PPM1H: variants seen among roughly 807,000 people sequenced by gnomAD.
The protein encoded by PPM1H is protein phosphatase, Mg2+/Mn2+ dependent 1H.
A neutral mutation model predicts 54.9 loss-of-function variants in PPM1H; 27 were observed. That is an observed-to-expected ratio of 0.49 (90% CI 0.36 to 0.68). The LOEUF is 0.68. Ranked by LOEUF, PPM1H falls within the 30% of genes least tolerant of loss-of-function variation. The pLI is 0.00. For synonymous variants in PPM1H, 305 were observed against 270.8 expected, an observed-to-expected ratio of 1.13 and a Z score of -1.24; for missense variants, 596 against 667.8, an observed-to-expected ratio of 0.89 and a Z score of 1.19.
At chr12:62,739,233 T>C (rs1163659084) in intron 4 of PPM1H, among the ~76,000 whole-genome samples, 1 of 152,082 alleles carries the variant, frequency 6.6e-6, no homozygotes, top group East Asian at 1.9e-4. Context: ...AGGAGCCACT[T>C]GTCAAATGCA....
intron 9 of PPM1H, among the ~76,000 whole-genome samples, chr12:62,652,088 T>C (rs561438829): frequency 2.6e-5 from 4 of 152,326 alleles, no homozygotes; most frequent in African/African-American, 9.6e-5. Flanking sequence ...CATCCCCAGC[T>C]ATCATCCTTA....
At chr12:62,906,602 A>G (rs1429506734) in intron 1 of PPM1H, among the ~76,000 whole-genome samples, 2 of 152,366 alleles carry the variant, frequency 1.3e-5, no homozygotes, top group East Asian at 3.9e-4. Context: ...AAAGTGGGTC[A>G]CCAACATGAT....
chr12:62,874,986 G>C (rs965765530), intron 1 of PPM1H, among the ~76,000 whole-genome samples: 1 of 152,208 alleles, frequency 6.6e-6, no homozygotes, highest in East Asian at 1.9e-4. Context: ...CAACTATTCT[G>C]ATGCCTGTCT....
chr12:62,684,994 G>A (rs1053881180), intron 8 of PPM1H, among the ~76,000 whole-genome samples: 7 of 151,756 alleles, frequency 4.6e-5, no homozygotes, highest in South Asian at 2.1e-4. Flanking sequence ...CTGCTCTTCC[G>A]CTTCCCTTCT....
At chr12:62,901,565 C>T (rs1009660644) in intron 1 of PPM1H, among the ~76,000 whole-genome samples, 3 of 152,118 alleles carry the variant, frequency 2.0e-5, no homozygotes, top group Admixed American at 1.3e-4. Flanking sequence ...ATAGAAATTG[C>T]CTCTACAAAA....
chr12:62,662,283 G>A (rs117085721), intron 9 of PPM1H, among the ~76,000 whole-genome samples: 4,726 of 152,228 alleles, frequency 0.031, 118 homozygotes, highest in Non-Finnish European at 0.042. Context: ...TCATAGTAGA[G>A]AAAAATCAAC....
intron 4 of PPM1H, among the ~76,000 whole-genome samples, chr12:62,775,871 C>T (rs1302213009): frequency 6.6e-6 from 1 of 152,180 alleles, no homozygotes; most frequent in Non-Finnish European, 1.5e-5. Flanking sequence ...TCTCATGCTG[C>T]TAAAAAGACA....
intron 1 of PPM1H, among the ~76,000 whole-genome samples, chr12:62,855,285 GAC>G (rs1350952123): frequency 1.3e-5 from 2 of 152,038 alleles, no homozygotes; most frequent in African/African-American, 4.8e-5. Context: ...TGCTCCAAGC[GAC>G]ACAGACTGGA....
chr12:62,668,049 A>G (rs1193362168), intron 8 of PPM1H, among the ~76,000 whole-genome samples: 1 of 152,174 alleles, frequency 6.6e-6, no homozygotes, highest in African/African-American at 2.4e-5. Context: ...TTGTCTTGAC[A>G]GACTTAAGTC....
chr12:62,858,338 C>T (rs1869470211), intron 1 of PPM1H, among the ~76,000 whole-genome samples: 1 of 152,136 alleles, frequency 6.6e-6, no homozygotes, highest in Non-Finnish European at 1.5e-5. Flanking sequence ...TGATTACAGG[C>T]ACCAATTGAG....
intron 1 of PPM1H, among the ~76,000 whole-genome samples, chr12:62,873,169 A>G (rs1248941387): frequency 2.0e-5 from 3 of 152,178 alleles, no homozygotes; most frequent in Admixed American, 2.0e-4. Flanking sequence ...TAGCCTCCAC[A>G]TGGAAATGGT....
At chr12:62,851,067 G>A (rs888888715) in intron 1 of PPM1H, among the ~76,000 whole-genome samples, 1 of 152,092 alleles carries the variant, frequency 6.6e-6, no homozygotes, top group Non-Finnish European at 1.5e-5. Context: ...TCTACTCAAA[G>A]GGCCTGGAAA....
rs529657085 is a variant in PPM1H, at chr12:62,878,190, G to A, written c.246-45911C>T. On this transcript the variant is annotated intron_variant, in intron 1 of 9. Transcript: ENST00000228705. The stretch of plus-strand genomic sequence containing the variant: ...TGGGATTACAGGCGTGAGCCACCGC[G>A]CCCAGCCTGAAGCCCTCTATTTTAA... Among the ~76,000 whole-genome samples, 16 of 152,272 alleles carry A rather than the reference G, an allele frequency of 1.1e-4. No homozygotes were observed. The East Asian group carries it at 2.5e-3, about 24-fold the overall frequency.
chr12:62,893,200 C>T (rs1870861333), intron 1 of PPM1H, among the ~76,000 whole-genome samples: 1 of 152,176 alleles, frequency 6.6e-6, no homozygotes. Flanking sequence ...AAAGTATTTA[C>T]TAACTGGCTG....
intron 1 of PPM1H, among the ~76,000 whole-genome samples, chr12:62,879,370 C>T (rs1178150474): frequency 6.6e-6 from 1 of 152,158 alleles, no homozygotes; most frequent in African/African-American, 2.4e-5. Context: ...CCCAAATGTC[C>T]ACCAAAGATA....
intron 1 of PPM1H, among the ~76,000 whole-genome samples, chr12:62,845,519 T>G (rs1366450728): frequency 6.6e-6 from 1 of 152,362 alleles, no homozygotes; most frequent in African/African-American, 2.4e-5. Flanking sequence ...ATATGAGGTA[T>G]GGAAAGTCTT....
chr12:62,891,313 A>G (rs1477983231), intron 1 of PPM1H, among the ~76,000 whole-genome samples: 2 of 152,216 alleles, frequency 1.3e-5, no homozygotes, highest in Non-Finnish European at 2.9e-5. Flanking sequence ...ACATTTATCC[A>G]GTCTAAGATC....
chr12:62,807,087 C>T (rs769214460), intron 2 of PPM1H, among the ~76,000 whole-genome samples: 1 of 152,112 alleles, frequency 6.6e-6, no homozygotes, highest in Non-Finnish European at 1.5e-5. Context: ...AGAATGGGGG[C>T]ATGATGCACG....
rs1161094944 is a variant in PPM1H, at chr12:62,669,969, CTTTTTTTT to C, written c.1246-2648_1246-2641del. Among the ~76,000 whole-genome samples, 13 of 46,426 alleles carry C rather than the reference CTTTTTTTT, an allele frequency of 2.8e-4. No individual in the cohort carries two copies. The South Asian group carries it at 5.1e-3, about 18-fold the overall frequency. 30.5% of individuals were successfully genotyped at this position (46,426 alleles called of 152,430 possible). ...AAAATAGTGTTTAGAGGATTGATTC[CTTTTTTTT>C]TTTTTTTTTTTTTTTTTGAGACGGA... On this transcript the variant is annotated intron_variant, in intron 8 of 9. Coordinates refer to ENST00000228705, the MANE Select transcript of PPM1H (RefSeq NM_020700.2).
Sources: allele counts gnomAD v4.1 joint callset (sites outside exome capture counted in the v4.1 genomes callset), GRCh38; gene constraint gnomAD v4.1.1; transcripts MANE v1.5; gene names NCBI Gene and HGNC (gene_info 2026-07-23, HGNC 2026-07-21).